CSMD1: variants seen among roughly 807,000 people sequenced by gnomAD.
CSMD1 encodes the protein CUB and sushi domain-containing protein 1.
CSMD1 carries 213 observed loss-of-function variants against 417.5 expected under a neutral mutation model. The ratio of observed to expected loss-of-function variants is 0.51; its 90% CI spans 0.46 to 0.57. The LOEUF (loss-of-function observed/expected upper bound fraction) is 0.57, where lower values mean the gene tolerates loss of function less well. CSMD1 is among the 20% of genes least tolerant of loss of function. CSMD1 has a pLI of 0.00. For synonymous variants in CSMD1, 2,862 were observed against 1,736.8 expected (o/e 1.65, Z -16.11); for missense variants, 6,923 against 4,529.7 (o/e 1.53, Z -15.17).
intron 1 of CSMD1, among the ~76,000 whole-genome samples, chr8:4,841,930 A>AAAAAAAAAACAAAAAACAAAAC (rs1192383183): frequency 8.2e-6 from 1 of 122,426 alleles, no homozygotes; most frequent in African/African-American, 3.3e-5. Context: ...AAAAAAAAAA[A>AAAAAAAAAACAAAAAACAAAAC]AAAAAAAAGT....
At chr8:3,215,220 A>G (rs1797814127) in intron 29 of CSMD1, among the ~76,000 whole-genome samples, 1 of 152,232 alleles carries the variant, frequency 6.6e-6, no homozygotes, top group Admixed American at 6.5e-5. Flanking sequence ...TAGAAGATGA[A>G]GATGGATGCT....
At chr8:4,201,303 C>G (rs1304986321) in intron 3 of CSMD1, among the ~76,000 whole-genome samples, 2 of 152,020 alleles carry the variant, frequency 1.3e-5, no homozygotes, top group Non-Finnish European at 2.9e-5. Flanking sequence ...CTTTGGGAGG[C>G]CGAGGCGGGC....
chr8:4,673,412 C>G (rs553472486), intron 1 of CSMD1, among the ~76,000 whole-genome samples: 2 of 152,264 alleles, frequency 1.3e-5, no homozygotes, highest in South Asian at 4.1e-4. Flanking sequence ...GGATTATCCT[C>G]CTTTCCAACC....
chr8:4,114,366 T>G (rs547871128), intron 3 of CSMD1, among the ~76,000 whole-genome samples: 5 of 152,214 alleles, frequency 3.3e-5, no homozygotes, highest in African/African-American at 4.8e-5. Flanking sequence ...TTAAGCCTAC[T>G]GTTGAGACCT....
chr8:4,697,622 G>T (rs921045113), intron 1 of CSMD1, among the ~76,000 whole-genome samples: 1 of 152,080 alleles, frequency 6.6e-6, no homozygotes, highest in African/African-American at 2.4e-5. Context: ...ACATTATAAG[G>T]CCAAAGGCAA....
At chr8:4,669,122 G>C (rs1223181072) in intron 1 of CSMD1, among the ~76,000 whole-genome samples, 2 of 152,006 alleles carry the variant, frequency 1.3e-5, no homozygotes, top group African/African-American at 2.4e-5. Context: ...ATCTGCATTT[G>C]GCATGTGTTT....
intron 26 of CSMD1, among the ~76,000 whole-genome samples, chr8:3,259,694 G>A (rs76182497): frequency 6.6e-6 from 1 of 152,062 alleles, no homozygotes; most frequent in African/African-American, 2.4e-5. Flanking sequence ...TACTAAATTG[G>A]TGAGTCTAAT....
chr8:3,227,005 C>G (rs1039295790), intron 27 of CSMD1, among the ~76,000 whole-genome samples: 6 of 152,056 alleles, frequency 3.9e-5, no homozygotes, highest in African/African-American at 1.4e-4. Context: ...CACTTTGTGC[C>G]TTAAAATCTA....
At chr8:4,947,795 A>G (rs1452507491) in intron 1 of CSMD1, among the ~76,000 whole-genome samples, 1 of 152,148 alleles carries the variant, frequency 6.6e-6, no homozygotes, top group Non-Finnish European at 1.5e-5. Context: ...AAACAAAAAT[A>G]TGTTTCTAAA....
chr8:4,009,743 T>G (rs1376093213), intron 4 of CSMD1, among the ~76,000 whole-genome samples: 1 of 151,964 alleles, frequency 6.6e-6, no homozygotes, highest in African/African-American at 2.4e-5. Flanking sequence ...CCACAGGCGC[T>G]CACTCCTCCA....
intron 39 of CSMD1, among the ~76,000 whole-genome samples, chr8:3,157,176 A>G (rs1819588503): frequency 1.3e-5 from 2 of 151,940 alleles, no homozygotes; most frequent in African/African-American, 4.8e-5. Context: ...AGCTACAGGT[A>G]AAGGTTTCTG....
intron 1 of CSMD1, among the ~76,000 whole-genome samples, chr8:4,889,568 T>C (rs1485108812): frequency 6.6e-6 from 1 of 152,136 alleles, no homozygotes; most frequent in South Asian, 2.1e-4. Context: ...TTTTAAACTG[T>C]CTATAAGTGT....
intron 1 of CSMD1, among the ~76,000 whole-genome samples, chr8:4,848,705 A>G (rs2116819119): frequency 6.6e-6 from 1 of 152,150 alleles, no homozygotes; most frequent in Non-Finnish European, 1.5e-5. Context: ...ACACCCAGCT[A>G]ATTTTTGTAT....
intron 20 of CSMD1, 83 bp downstream of exon 20, chr8:3,366,949 C>T (rs12547303): frequency 9.5e-7 from 1 of 1,053,068 alleles, no homozygotes; most frequent in Non-Finnish European, 1.4e-6. Context: ...ATTACACACA[C>T]ACACACACCC....
intron 3 of CSMD1, among the ~76,000 whole-genome samples, chr8:4,071,892 T>G (rs1164733743): frequency 6.6e-6 from 1 of 152,202 alleles, no homozygotes; most frequent in Non-Finnish European, 1.5e-5. Flanking sequence ...ATTTGGAATC[T>G]GCTCCACTTA....
chr8:3,585,023 C>A (rs568110655), intron 9 of CSMD1, among the ~76,000 whole-genome samples: 1 of 152,146 alleles, frequency 6.6e-6, no homozygotes, highest in Admixed American at 6.5e-5. Flanking sequence ...CCTGAAGGGT[C>A]TCCATTTAAG....
At chr8:4,532,735 G>C (rs1796894546) in intron 2 of CSMD1, among the ~76,000 whole-genome samples, 1 of 128,280 alleles carries the variant, frequency 7.8e-6, no homozygotes, top group African/African-American at 3.0e-5. Context: ...AGTCACTCCA[G>C]AAAAGAAATC....
chr8:4,453,445 G>C (rs1471551104), intron 2 of CSMD1, among the ~76,000 whole-genome samples: 2 of 152,162 alleles, frequency 1.3e-5, no homozygotes, highest in African/African-American at 2.4e-5. Context: ...CCGTGTGTTG[G>C]TGCAGCAGCA....
chr8:4,958,338 G>A (rs1585407907), intron 1 of CSMD1, among the ~76,000 whole-genome samples: 1 of 152,096 alleles, frequency 6.6e-6, no homozygotes, highest in East Asian at 1.9e-4. Context: ...TCAAAATCAA[G>A]TTAAAGGTGA....
Sources: gnomAD v4.1 joint callset for allele counts (sites outside exome capture counted in the v4.1 genomes callset) on GRCh38, gnomAD v4.1.1 for gene constraint, MANE v1.5 for transcripts, NCBI Gene and HGNC (gene_info 2026-07-23, HGNC 2026-07-21) for gene names.